GLIS3: variants seen among roughly 807,000 people sequenced by gnomAD.
GLIS3 encodes the protein zinc finger protein GLIS3.
In GLIS3, 53 loss-of-function variants were observed where a neutral mutation model predicts 78.6. The observed-to-expected ratio is 0.67, with a 90% confidence interval of 0.54 to 0.85. The LOEUF (loss-of-function observed/expected upper bound fraction) is 0.85. GLIS3 is among the 40% of genes least tolerant of loss of function. The pLI, the probability that GLIS3 is intolerant of heterozygous loss-of-function variation, is 0.00. For missense variants in GLIS3, 1,703 were observed against 1,231.1 expected (o/e 1.38, Z -5.74); for synonymous variants, 684 against 509.9 (o/e 1.34, Z -4.60).
At chr9:3,920,058 C>G (rs572288141) in intron 6 of GLIS3, among the ~76,000 whole-genome samples, 57 of 140,610 alleles carry the variant, frequency 4.1e-4, no homozygotes, top group Non-Finnish European at 7.6e-4. Context: ...GGCTGGAGTG[C>G]AGTGGCACGG....
intron 5 of GLIS3, among the ~76,000 whole-genome samples, chr9:3,934,112 C>G (rs1825764699): frequency 6.6e-6 from 1 of 152,192 alleles, no homozygotes; most frequent in African/African-American, 2.4e-5. Flanking sequence ...TTATTATTGG[C>G]TAAAGTCACT....
chr9:3,832,181 A>C lies in GLIS3; in HGVS notation c.2474-2689T>G, dbSNP rs1818084576. 2.0e-5 allele frequency among the ~76,000 whole-genome samples: 3 copies of C among 150,304 alleles called. No individual in the cohort carries two copies. In the South Asian group the frequency reaches 6.2e-4, roughly 31 times the overall value. Reference sequence around the variant, plus strand: ...TTAAATGAGTTAATACTTACATATTATACAATTTTATAATTAGCATTTATA... The same window carrying C: ...TTAAATGAGTTAATACTTACATATTCTACAATTTTATAATTAGCATTTATA... On this transcript the variant is annotated intron_variant, in intron 9 of 10. Coordinates refer to ENST00000381971, the MANE Select transcript of GLIS3 (RefSeq NM_001042413.2).
At chr9:4,430,817 TC>T in the GLIS3 span, among the ~76,000 whole-genome samples, 1 of 152,118 alleles carries the variant, frequency 6.6e-6, no homozygotes, top group African/African-American at 2.4e-5. Context: ...GGACATTGAG[TC>T]ACTTCCAGCA....
chr9:4,470,595 G>A, the GLIS3 span, among the ~76,000 whole-genome samples: 1 of 152,112 alleles, frequency 6.6e-6, no homozygotes, highest in African/African-American at 2.4e-5. Context: ...GTATTGATGG[G>A]ACGTATCTCA....
At chr9:4,321,807 C>T (rs947878726) in intron 2 of GLIS3, among the ~76,000 whole-genome samples, 2 of 152,070 alleles carry the variant, frequency 1.3e-5, no homozygotes, top group African/African-American at 4.8e-5. Context: ...CTCCCGGATT[C>T]AAGTGATTCT....
chr9:4,388,613 T>A, the GLIS3 span, among the ~76,000 whole-genome samples: 1 of 151,904 alleles, frequency 6.6e-6, no homozygotes, highest in African/African-American at 2.4e-5. Context: ...GAGGCGGAGG[T>A]TGCAGTGAGC....
chr9:4,334,926 T>TG (rs869038252), intron 2 of GLIS3, among the ~76,000 whole-genome samples: 2 of 129,720 alleles, frequency 1.5e-5, no homozygotes, highest in Admixed American at 7.5e-5. Context: ...TTTTTTTTTT[T>TG]GAAACGGAGT....
intron 4 of GLIS3, among the ~76,000 whole-genome samples, chr9:3,952,831 C>T (rs1477585657): frequency 6.6e-6 from 1 of 152,106 alleles, no homozygotes; most frequent in Non-Finnish European, 1.5e-5. Context: ...GGTCTGGATG[C>T]TACATTTCTA....
chr9:3,831,012 A>G (rs1168221484), intron 9 of GLIS3, among the ~76,000 whole-genome samples: 1 of 152,214 alleles, frequency 6.6e-6, no homozygotes, highest in African/African-American at 2.4e-5. Flanking sequence ...GTCCATAAAG[A>G]TACATACTGG....
the GLIS3 span, among the ~76,000 whole-genome samples, chr9:4,354,923 T>A: frequency 6.6e-6 from 1 of 152,210 alleles, no homozygotes; most frequent in Admixed American, 6.5e-5. Context: ...GAGACCATCC[T>A]GGCTAACACG....
intron 4 of GLIS3, among the ~76,000 whole-genome samples, chr9:4,072,854 C>G (rs570039062): frequency 6.6e-6 from 1 of 152,162 alleles, no homozygotes; most frequent in African/African-American, 2.4e-5. Context: ...CATGAACAGC[C>G]TAACCGAGTC....
intron 4 of GLIS3, among the ~76,000 whole-genome samples, chr9:4,052,723 C>A (rs1303729304): frequency 2.0e-5 from 3 of 152,208 alleles, no homozygotes; most frequent in Non-Finnish European, 2.9e-5. Context: ...CATTCATCCA[C>A]TGATGGACAT....
chr9:4,131,173 G>C (rs1394875507), intron 2 of GLIS3, among the ~76,000 whole-genome samples: 1 of 152,174 alleles, frequency 6.6e-6, no homozygotes, highest in Non-Finnish European at 1.5e-5. Flanking sequence ...TATCTTAGCA[G>C]TAATTAACTT....
chr9:4,243,312 G>T (rs1189479878), intron 2 of GLIS3, among the ~76,000 whole-genome samples: 1 of 152,044 alleles, frequency 6.6e-6, no homozygotes, highest in African/African-American at 2.4e-5. Context: ...AGGTGAGAGG[G>T]TATCAAAAAA....
At chr9:4,474,887 A>C in the GLIS3 span, among the ~76,000 whole-genome samples, 2 of 151,584 alleles carry the variant, frequency 1.3e-5, no homozygotes, top group South Asian at 4.2e-4. Context: ...GTTTTTACAG[A>C]GACGGGGGCT....
rs185052063 is a variant in GLIS3 at position 4,012,452 on chromosome 9, C to A, written c.1711-75263G>T. 2.8e-4 allele frequency among the ~76,000 whole-genome samples: 42 copies of A among 151,540 alleles called. 1 individual carries two copies. Among genetic ancestry groups the A allele is most frequent in the African/African-American group, 7.7e-4 (32 of 41,324 alleles). On this transcript the variant is annotated intron_variant, in intron 4 of 10. Transcript: ENST00000381971. ...GGGGAAAAAAATAGACCCACACACA[C>A]AAAAAAAACAGTCAATGATCATTTC...
intron 2 of GLIS3, among the ~76,000 whole-genome samples, chr9:4,248,337 T>G (rs969410630): frequency 3.9e-5 from 6 of 152,138 alleles, no homozygotes; most frequent in Non-Finnish European, 8.8e-5. Flanking sequence ...CAACATGTGG[T>G]ATTGGGTTTT....
intron 2 of GLIS3, among the ~76,000 whole-genome samples, chr9:4,141,323 G>C (rs988766498): frequency 6.6e-6 from 1 of 152,150 alleles, no homozygotes; most frequent in Non-Finnish European, 1.5e-5. Context: ...AAAAGGTATG[G>C]CTGCCTGGCC....
chr9:4,056,814 G>T (rs948919022), intron 4 of GLIS3, among the ~76,000 whole-genome samples: 1 of 150,060 alleles, frequency 6.7e-6, no homozygotes, highest in African/African-American at 2.4e-5. Context: ...AATGGATAGG[G>T]AAAAGAGTTG....
Sources: allele counts gnomAD v4.1 joint callset (sites outside exome capture counted in the v4.1 genomes callset), GRCh38; gene constraint gnomAD v4.1.1; transcripts MANE v1.5; gene names NCBI Gene and HGNC (gene_info 2026-07-23, HGNC 2026-07-21).